Variants in IL1RAPL1 observed in about 807,000 individuals in gnomAD.
The protein encoded by IL1RAPL1 is interleukin 1 receptor accessory protein like 1.
In IL1RAPL1, 3 loss-of-function variants were observed where a neutral mutation model predicts 48.4. The observed-to-expected ratio is 0.06, with a 90% CI of 0.03 to 0.16. The LOEUF (loss-of-function observed/expected upper bound fraction) is 0.16. Among genes scored for constraint, IL1RAPL1 ranks in the 10% least tolerant of loss-of-function variants. The pLI, the probability that IL1RAPL1 is intolerant of heterozygous loss-of-function variation, is 1.00. For missense variants in IL1RAPL1, 349 were observed against 530.6 expected (o/e 0.66, Z 3.36); for synonymous variants, 185 against 187.7 (o/e 0.99, Z 0.12).
intron 2 of IL1RAPL1, among the ~76,000 whole-genome samples, chrX:29,229,009 T>C (rs778944719): frequency 9.0e-6 from 1 of 111,641 alleles, no homozygotes; most frequent in African/African-American, 3.3e-5. Context: ...AGGTTACATA[T>C]ATTCAACTCT....
At chrX:29,614,369 G>T (rs1924210274) in intron 5 of IL1RAPL1, among the ~76,000 whole-genome samples, 1 of 112,063 alleles carries the variant, frequency 8.9e-6, no homozygotes, top group South Asian at 3.7e-4. Context: ...AAATAAAGAT[G>T]AAATATTTCA....
chrX:28,990,341 A>G (rs765245797), intron 2 of IL1RAPL1, among the ~76,000 whole-genome samples: 3 of 112,246 alleles, frequency 2.7e-5, no homozygotes, highest in Non-Finnish European at 5.6e-5. Context: ...ATTACATCTC[A>G]GAAGTTTCTT....
intron 9 of IL1RAPL1, among the ~76,000 whole-genome samples, chrX:29,944,468 A>AAGTT (rs1933183312): frequency 9.0e-6 from 1 of 111,617 alleles, no homozygotes; most frequent in African/African-American, 3.3e-5. Flanking sequence ...ATCTTAACAA[A>AAGTT]AGTTAGAAGT....
At chrX:29,119,230 T>A (rs1314800593) in intron 2 of IL1RAPL1, among the ~76,000 whole-genome samples, 3 of 111,213 alleles carry the variant, frequency 2.7e-5, no homozygotes, top group Non-Finnish European at 5.7e-5. Context: ...AAAGAACACA[T>A]AAACATTATA....
intron 5 of IL1RAPL1, among the ~76,000 whole-genome samples, chrX:29,437,386 C>T (rs566517987): frequency 3.6e-5 from 4 of 110,469 alleles, no homozygotes; most frequent in Non-Finnish European, 5.7e-5. Context: ...TTCCTAGCTA[C>T]GTATATTTTA....
chrX:29,653,655 G>A (rs981439067), intron 5 of IL1RAPL1, among the ~76,000 whole-genome samples: 15 of 110,701 alleles, frequency 1.4e-4, no homozygotes, highest in Admixed American at 9.7e-5. Context: ...CTTGTTTTAT[G>A]AAACAATAGA....
intron 5 of IL1RAPL1, among the ~76,000 whole-genome samples, chrX:29,453,814 A>G (rs983390182): frequency 2.7e-5 from 3 of 112,275 alleles, no homozygotes; most frequent in African/African-American, 9.7e-5. Flanking sequence ...TTTTGAAAAA[A>G]CGTGCACTAT....
intron 5 of IL1RAPL1, among the ~76,000 whole-genome samples, chrX:29,440,149 T>C (rs1483267846): frequency 9.1e-6 from 1 of 110,083 alleles, no homozygotes; most frequent in Non-Finnish European, 1.9e-5. Flanking sequence ...TTAAATGATA[T>C]ATGTCCAGGG....
At chrX:29,274,527 G>A (rs1311545525) in intron 2 of IL1RAPL1, among the ~76,000 whole-genome samples, 10 of 112,134 alleles carry the variant, frequency 8.9e-5, no homozygotes, top group Non-Finnish European at 1.9e-4. Flanking sequence ...TATTATTCAT[G>A]TGAAAGCATA....
At chrX:28,892,282 T>C (rs994600775) in intron 2 of IL1RAPL1, among the ~76,000 whole-genome samples, 1 of 101,078 alleles carries the variant, frequency 9.9e-6, no homozygotes. Flanking sequence ...AAAATTACAG[T>C]CAAAGGGGGG....
At position 29,676,103 on chromosome X, in the gene IL1RAPL1, C is replaced by A. The variant is rs145674572; in HGVS notation, c.778+7599C>A. Among the ~76,000 whole-genome samples, 861 of 111,609 alleles carry A rather than the reference C, an allele frequency of 7.7e-3. 9 individuals are homozygous for A. The highest frequency in any genetic ancestry group is 0.027 in the African/African-American group (815 of 30,704). Reference sequence around the variant, plus strand: ...ACAGGCCTATGTGACAGTTTAGCTCCACCATTTACTTCTAGTGTGACCTTG... The same window carrying A: ...ACAGGCCTATGTGACAGTTTAGCTCAACCATTTACTTCTAGTGTGACCTTG... On this transcript the variant is annotated intron_variant, in intron 6 of 10. Transcript: ENST00000378993.
intron 1 of IL1RAPL1, among the ~76,000 whole-genome samples, chrX:28,765,838 T>G (rs186773506): frequency 1.3e-4 from 15 of 112,227 alleles, no homozygotes; most frequent in Admixed American, 1.0e-3. Context: ...ACGTGTTTAT[T>G]AATTTCTCCT....
chrX:29,814,897 G>A (rs1043068623), intron 6 of IL1RAPL1, among the ~76,000 whole-genome samples: 1 of 111,089 alleles, frequency 9.0e-6, no homozygotes, highest in Non-Finnish European at 1.9e-5. Flanking sequence ...TGTAGGGTGT[G>A]TGGCTTTATT....
intron 6 of IL1RAPL1, among the ~76,000 whole-genome samples, chrX:29,687,609 T>A (rs1926659588): frequency 2.7e-5 from 3 of 111,733 alleles, no homozygotes; most frequent in South Asian, 3.8e-4. Flanking sequence ...ATGACTAGCA[T>A]TAAAAAGAAT....
intron 5 of IL1RAPL1, among the ~76,000 whole-genome samples, chrX:29,492,259 G>A (rs1011589023): frequency 3.6e-5 from 4 of 112,210 alleles, no homozygotes; most frequent in East Asian, 2.8e-4. Flanking sequence ...TTTATGCTTC[G>A]TGTATTTTCT....
chrX:29,207,694 G>A (rs1468892149), intron 2 of IL1RAPL1, among the ~76,000 whole-genome samples: 1 of 111,238 alleles, frequency 9.0e-6, no homozygotes, highest in Non-Finnish European at 1.9e-5. Flanking sequence ...TATCATATTT[G>A]CCTGTATTTC....
rs1267448046 is a variant in IL1RAPL1, at chrX:29,620,947, C to T, written c.704-47483C>T. On this transcript the variant is annotated intron_variant, in intron 5 of 10. Coordinates refer to ENST00000378993, the MANE Select transcript of IL1RAPL1 (RefSeq NM_014271.4). ...CTGTTTTCTATATCGCTGGAACTCT[C>T]CTTTGTTAGAACCTTCTTTAAATAG... is the stretch of plus-strand genomic sequence containing the variant. Among the ~76,000 whole-genome samples the T allele has an allele frequency of 4.5e-5, 5 of 111,934 alleles. No homozygotes were observed. In the Admixed American group the frequency reaches 4.8e-4, roughly 11 times the overall value.
At chrX:29,514,063 G>A (rs1295026535) in intron 5 of IL1RAPL1, among the ~76,000 whole-genome samples, 5 of 111,178 alleles carry the variant, frequency 4.5e-5, no homozygotes, top group Admixed American at 9.6e-5. Context: ...GCAGGGTTAC[G>A]TTGGTTCATA....
intron 1 of IL1RAPL1, among the ~76,000 whole-genome samples, chrX:28,709,697 C>A (rs373086884): frequency 2.7e-5 from 3 of 110,396 alleles, no homozygotes; most frequent in Non-Finnish European, 3.8e-5. Context: ...GCACAATATG[C>A]GTGTATATGT....
Sources: gnomAD v4.1 joint callset for allele counts (sites outside exome capture counted in the v4.1 genomes callset) on GRCh38, gnomAD v4.1.1 for gene constraint, MANE v1.5 for transcripts, NCBI Gene and HGNC (gene_info 2026-07-23, HGNC 2026-07-21) for gene names.